Variants in FBXL17 observed in about 807,000 individuals in gnomAD.
FBXL17 encodes the protein F-box/LRR-repeat protein 17.
Under a neutral mutation model 66.2 loss-of-function variants are expected in FBXL17, and 22 were observed. The observed-to-expected ratio is 0.33, with a 90% CI of 0.24 to 0.47. The LOEUF (loss-of-function observed/expected upper bound fraction) is 0.47, where lower values mean the gene tolerates loss of function less well. Among genes scored for constraint, FBXL17 ranks in the 20% least tolerant of loss-of-function variants. The pLI is 1.00. For missense variants in FBXL17, 878 were observed against 948.2 expected (o/e 0.93, Z 0.97); for synonymous variants, 474 against 400.5 (o/e 1.18, Z -2.19).
chr5:108,175,023 G>A (rs569784814), intron 6 of FBXL17, among the ~76,000 whole-genome samples: 6 of 152,258 alleles, frequency 3.9e-5, no homozygotes, highest in Non-Finnish European at 5.9e-5. Flanking sequence ...ACTTTATGAA[G>A]CACCAACTTT....
At chr5:107,941,493 C>T (rs546232600) in intron 7 of FBXL17, among the ~76,000 whole-genome samples, 12 of 152,270 alleles carry the variant, frequency 7.9e-5, no homozygotes, top group East Asian at 1.9e-4. Context: ...ACAGTTTCCT[C>T]GGATGTGAAG....
At position 108,381,140 on chromosome 5, in the gene FBXL17, C is replaced by T; in HGVS notation, c.552G>A (p.Pro184=). Residue 184 remains proline (P), a synonymous_variant, in exon 1 of 9, where the codon CCG becomes CCA. Transcript: ENST00000542267. ...AAVQLFRGPT[P]SPAELPTPPE... The stretch of plus-strand genomic sequence containing the variant: ...GGGGCGTAGGGAGCTCGGCCGGTGA[C>T]GGTGTCGGCCCCCGGAAGAGCTGCA... 1 of 1,384,308 alleles carries T rather than the reference C, an allele frequency of 7.2e-7. No homozygotes were observed. The highest frequency in any genetic ancestry group is 1.5e-5 in the African/African-American group (1 of 66,370). The allele number at this position is 1,384,308 out of a possible 1,614,324, so 85.8% of individuals were successfully genotyped here.
At chr5:108,356,325 T>C (rs1747984700) in intron 3 of FBXL17, among the ~76,000 whole-genome samples, 2 of 152,150 alleles carry the variant, frequency 1.3e-5, no homozygotes, top group Admixed American at 1.3e-4. Flanking sequence ...ATCATGTACC[T>C]TGGTTTGTAC....
chr5:107,928,454 C>T (rs1234261653), intron 7 of FBXL17, among the ~76,000 whole-genome samples: 2 of 151,654 alleles, frequency 1.3e-5, no homozygotes, highest in Admixed American at 6.6e-5. Flanking sequence ...ATGACCCCCA[C>T]CCCAAATACT....
At chr5:108,185,341 G>C (rs1467052768) in intron 6 of FBXL17, among the ~76,000 whole-genome samples, 3 of 152,146 alleles carry the variant, frequency 2.0e-5, no homozygotes, top group Non-Finnish European at 2.9e-5. Context: ...CTGTTCTCCT[G>C]ATAATGAGTT....
intron 6 of FBXL17, among the ~76,000 whole-genome samples, chr5:108,174,335 AT>A (rs1752713043): frequency 6.6e-6 from 1 of 152,244 alleles, no homozygotes; most frequent in Admixed American, 6.5e-5. Context: ...CTTTTAAAAA[AT>A]AGTGACTATT....
chr5:108,246,197 T>A (rs1756088640), intron 4 of FBXL17, among the ~76,000 whole-genome samples: 1 of 152,102 alleles, frequency 6.6e-6, no homozygotes, highest in African/African-American at 2.4e-5. Flanking sequence ...AAGATACACA[T>A]TAGAAACTGT....
intron 7 of FBXL17, among the ~76,000 whole-genome samples, chr5:107,979,580 G>C (rs1752723979): frequency 6.6e-6 from 1 of 152,218 alleles, no homozygotes; most frequent in African/African-American, 2.4e-5. Flanking sequence ...TCCAGAGTCT[G>C]ACAGCTGTGA....
At chr5:108,244,504 T>C (rs779363700) in intron 4 of FBXL17, among the ~76,000 whole-genome samples, 7 of 152,182 alleles carry the variant, frequency 4.6e-5, no homozygotes, top group African/African-American at 7.2e-5. Flanking sequence ...CTGCATGCCA[T>C]GCGTATACTA....
chr5:108,200,337 T>C (rs2150048083), intron 5 of FBXL17, among the ~76,000 whole-genome samples: 1 of 152,074 alleles, frequency 6.6e-6, no homozygotes, highest in Non-Finnish European at 1.5e-5. Context: ...GGCCTGGTTC[T>C]GAGGGCAAGC....
chr5:108,379,207 G>A (rs2112660057), intron 1 of FBXL17, among the ~76,000 whole-genome samples: 1 of 152,136 alleles, frequency 6.6e-6, no homozygotes, highest in Non-Finnish European at 1.5e-5. Context: ...TAATTTGTAA[G>A]TAGAAGGTAC....
intron 7 of FBXL17, among the ~76,000 whole-genome samples, chr5:107,981,671 C>T (rs1431876353): frequency 2.0e-5 from 3 of 152,328 alleles, no homozygotes; most frequent in African/African-American, 4.8e-5. Context: ...TTCGCAGTTT[C>T]TGTTTTAAAA....
intron 4 of FBXL17, among the ~76,000 whole-genome samples, chr5:108,278,914 A>G (rs1372835839): frequency 6.6e-6 from 1 of 152,176 alleles, no homozygotes; most frequent in Non-Finnish European, 1.5e-5. Context: ...AAGACAGGGT[A>G]AGAGATCCAG....
intron 6 of FBXL17, among the ~76,000 whole-genome samples, chr5:108,047,392 C>A (rs940166592): frequency 2.0e-5 from 3 of 152,206 alleles, no homozygotes; most frequent in African/African-American, 7.2e-5. Context: ...TCAACAGCCT[C>A]TCAGCTAGAA....
chr5:108,024,058 T>C (rs1184752446), intron 6 of FBXL17, among the ~76,000 whole-genome samples: 1 of 152,036 alleles, frequency 6.6e-6, no homozygotes, highest in Non-Finnish European at 1.5e-5. Flanking sequence ...TTCCTATTTT[T>C]CCCCAACCCC....
At chr5:107,993,041 G>A (rs1272916122) in intron 7 of FBXL17, among the ~76,000 whole-genome samples, 3 of 151,902 alleles carry the variant, frequency 2.0e-5, no homozygotes, top group East Asian at 1.9e-4. Context: ...GACCACAGGC[G>A]CCCGCCACCA....
chr5:108,216,189 T>G (rs546794679), intron 5 of FBXL17, among the ~76,000 whole-genome samples: 1 of 152,258 alleles, frequency 6.6e-6, no homozygotes, highest in Non-Finnish European at 1.5e-5. Flanking sequence ...TGTCCTGCAA[T>G]TCAATAATAA....
At chr5:108,182,272 G>A (rs541374215) in intron 6 of FBXL17, among the ~76,000 whole-genome samples, 1 of 152,132 alleles carries the variant, frequency 6.6e-6, no homozygotes. Flanking sequence ...TAGGCTAAAC[G>A]CATTAGTGCA....
intron 6 of FBXL17, among the ~76,000 whole-genome samples, chr5:108,056,276 C>G (rs1326960161): frequency 6.6e-6 from 1 of 152,164 alleles, no homozygotes; most frequent in South Asian, 2.1e-4. Context: ...AAGCCAAAGC[C>G]TCTGGTCAGA....
Sources: gnomAD v4.1 joint callset for allele counts (sites outside exome capture counted in the v4.1 genomes callset) on GRCh38, gnomAD v4.1.1 for gene constraint, MANE v1.5 for transcripts, NCBI Gene and HGNC (gene_info 2026-07-23, HGNC 2026-07-21) for gene names.